Variants in SOCS2 observed in about 807,000 individuals in gnomAD.
SOCS2 encodes CIS-2.
Under a neutral mutation model 18.6 loss-of-function variants are expected in SOCS2, and 10 were observed. That is an observed-to-expected ratio of 0.54 (90% CI 0.33 to 0.91). The LOEUF (loss-of-function observed/expected upper bound fraction) is 0.91. SOCS2 is among the 40% of genes least tolerant of loss of function. The probability of loss-of-function intolerance (pLI) is 0.02; values close to 1 mark genes in which losing one functional copy is unlikely to be tolerated. For synonymous variants in SOCS2, 104 were observed against 104.0 expected (o/e 1.00, Z 0.00); for missense variants, 231 against 247.2 (o/e 0.93, Z 0.44).
the SOCS2 span, among the ~76,000 whole-genome samples, chr12:93,614,362 CTTCTTTCTTTCTTTCTTTCT>C: frequency 3.4e-3 from 271 of 79,448 alleles, 1 homozygote; most frequent in East Asian, 9.7e-3. Flanking sequence ...AGCAATTTTC[CTTCTTTCTTTCTTTCTTTCT>C]TTCTTTCTTT....
the SOCS2 span, among the ~76,000 whole-genome samples, chr12:93,607,785 G>C: frequency 6.6e-6 from 1 of 152,140 alleles, no homozygotes; most frequent in Non-Finnish European, 1.5e-5. Flanking sequence ...TCGTGTGATG[G>C]GAACAGTCAT....
At chr12:93,572,147 C>T, upstream of SOCS2, 1 of 168,122 alleles carries the variant, frequency 5.9e-6, no homozygotes. This position sits in a 1 kb window ranked among gnomAD's most constrained non-coding sequence, Gnocchi z 5.0. Flanking sequence ...AGGAGCCTCC[C>T]GGGCGGAGAT....
chr12:93,614,575 CTTTCTTTCTTTCTTTCTTTCTTT>C, the SOCS2 span, among the ~76,000 whole-genome samples: 8 of 80,098 alleles, frequency 1.0e-4, no homozygotes, highest in African/African-American at 5.2e-4. Flanking sequence ...TTCTTTCTTT[CTTTCTTTCTTTCTTTCTTTCTTT>C]CTTTCTTTCT....
chr12:93,619,306 G>A, the SOCS2 span, among the ~76,000 whole-genome samples: 1 of 152,194 alleles, frequency 6.6e-6, no homozygotes, highest in Non-Finnish European at 1.5e-5. Context: ...AAGCCAGAGA[G>A]CAAGAGAGCC....
chr12:93,616,739 T>C, the SOCS2 span, among the ~76,000 whole-genome samples: 1 of 152,184 alleles, frequency 6.6e-6, no homozygotes, highest in Non-Finnish European at 1.5e-5. Context: ...CATGAGGCCA[T>C]GGGGTAATGA....
At chr12:93,614,480 T>TTCCTTCCTTCCTTTCTTTCC in the SOCS2 span, among the ~76,000 whole-genome samples, 1 of 26,134 alleles carries the variant, frequency 3.8e-5, no homozygotes, top group Admixed American at 3.9e-4. Context: ...CCTTCCTTCC[T>TTCCTTCCTTCCTTTCTTTCC]TTCCTTCCTT....
At chr12:93,619,073 C>T in the SOCS2 span, among the ~76,000 whole-genome samples, 1 of 152,178 alleles carries the variant, frequency 6.6e-6, no homozygotes, top group African/African-American at 2.4e-5. Flanking sequence ...TGATGCGGCA[C>T]CCAGGGCCTA....
At chr12:93,602,995 A>T in the SOCS2 span, among the ~76,000 whole-genome samples, 1 of 152,190 alleles carries the variant, frequency 6.6e-6, no homozygotes, top group Non-Finnish European at 1.5e-5. Flanking sequence ...ACTTCCCTGG[A>T]GTGAGGTCCA....
chr12:93,614,633 T>G, the SOCS2 span, among the ~76,000 whole-genome samples: 12 of 135,890 alleles, frequency 8.8e-5, no homozygotes, highest in Non-Finnish European at 1.9e-4. Flanking sequence ...CTTTCTTTCT[T>G]TTGATGGAGT....
the SOCS2 span, among the ~76,000 whole-genome samples, chr12:93,594,767 C>T: frequency 6.6e-6 from 1 of 152,052 alleles, no homozygotes; most frequent in Non-Finnish European, 1.5e-5. Context: ...TATCAGCTCT[C>T]GAACACTGGG....
chr12:93,587,082 C>T (rs1207909912), downstream of SOCS2, among the ~76,000 whole-genome samples: 2 of 152,210 alleles, frequency 1.3e-5, no homozygotes, highest in Admixed American at 1.3e-4. Flanking sequence ...GCACGAGAAT[C>T]ACTTGAACCC....
upstream of SOCS2, chr12:93,572,618 C>A (rs564308787): frequency 1.5e-6 from 1 of 645,608 alleles, no homozygotes; most frequent in Admixed American, 2.1e-5. This position sits in a 1 kb window ranked among gnomAD's most constrained non-coding sequence, Gnocchi z 5.0. Context: ...ACGTCTATTT[C>A]CCCACCCCCA....
chr12:93,613,170 C>A, the SOCS2 span, among the ~76,000 whole-genome samples: 1 of 152,084 alleles, frequency 6.6e-6, no homozygotes, highest in African/African-American at 2.4e-5. Flanking sequence ...CATGGCTTTC[C>A]GAAGGTATTT....
At chr12:93,601,505 C>T in the SOCS2 span, among the ~76,000 whole-genome samples, 2 of 152,086 alleles carry the variant, frequency 1.3e-5, no homozygotes, top group African/African-American at 4.8e-5. Context: ...GACTGGATTT[C>T]ACCATGTTGG....
chr12:93,610,472 T>C, the SOCS2 span, among the ~76,000 whole-genome samples: 1 of 152,186 alleles, frequency 6.6e-6, no homozygotes, highest in Non-Finnish European at 1.5e-5. Context: ...TGCAGGGGTG[T>C]CTGAGACCAC....
chr12:93,587,788 T>G (rs1409944113), downstream of SOCS2, among the ~76,000 whole-genome samples: 1 of 152,036 alleles, frequency 6.6e-6, no homozygotes, highest in Non-Finnish European at 1.5e-5. Context: ...TTCCCATAAG[T>G]TCTACCACTG....
At chr12:93,587,944 T>C (rs1394071488), downstream of SOCS2, among the ~76,000 whole-genome samples, 4 of 152,174 alleles carry the variant, frequency 2.6e-5, 1 homozygote, top group Non-Finnish European at 5.9e-5. Context: ...CGAAGGCTTT[T>C]GAACAACAGA....
chr12:93,619,187 C>T, the SOCS2 span, among the ~76,000 whole-genome samples: 1 of 152,202 alleles, frequency 6.6e-6, no homozygotes, highest in Non-Finnish European at 1.5e-5. Flanking sequence ...AGCTACCCAC[C>T]ACAGCCATGG....
At chr12:93,591,386 T>C in the SOCS2 span, among the ~76,000 whole-genome samples, 2 of 151,782 alleles carry the variant, frequency 1.3e-5, no homozygotes, top group Non-Finnish European at 2.9e-5. Context: ...TAAGGGAGAA[T>C]GAACAAGATG....
Sources: allele counts gnomAD v4.1 joint callset (sites outside exome capture counted in the v4.1 genomes callset), GRCh38; gene constraint gnomAD v4.1.1; non-coding constraint Gnocchi (gnomAD v3.1); transcripts MANE v1.5; gene names NCBI Gene and HGNC (gene_info 2026-07-23, HGNC 2026-07-21).